The following ZNF704 variants were observed in gnomAD, a reference collection of about 807,000 sequenced individuals.
ZNF704 encodes zinc finger protein 704, also known as glucocorticoid induced gene 1.
Under a neutral mutation model 44.7 loss-of-function variants are expected in ZNF704, and 10 were observed. That is an observed-to-expected ratio of 0.22 (90% confidence interval 0.14 to 0.38). The LOEUF (loss-of-function observed/expected upper bound fraction) is 0.38, where lower values mean the gene tolerates loss of function less well. Ranked by LOEUF, ZNF704 falls within the 10% of genes least tolerant of loss-of-function variation. The pLI, the probability that ZNF704 is intolerant of heterozygous loss-of-function variation, is 1.00. For missense variants in ZNF704, 390 were observed against 545.5 expected (o/e 0.71, Z 2.84); for synonymous variants, 211 against 207.6 (o/e 1.02, Z -0.14).
chr8:80,846,747 T>G (rs1225552750), intron 1 of ZNF704, among the ~76,000 whole-genome samples: 1 of 152,206 alleles, frequency 6.6e-6, no homozygotes, highest in Non-Finnish European at 1.5e-5. Flanking sequence ...TCAATATTGT[T>G]GTAGAATTTC....
At chr8:80,692,580 G>T (rs576689327) in intron 3 of ZNF704, among the ~76,000 whole-genome samples, 1 of 152,268 alleles carries the variant, frequency 6.6e-6, no homozygotes, top group East Asian at 1.9e-4. Flanking sequence ...AATTCTATTT[G>T]ATTAAGGAGT....
intron 3 of ZNF704, among the ~76,000 whole-genome samples, chr8:80,690,167 G>A (rs984140229): frequency 2.6e-5 from 4 of 151,902 alleles, no homozygotes; most frequent in African/African-American, 9.7e-5. Flanking sequence ...GTTATTAGTT[G>A]AGTAGTTAGT....
At chr8:80,717,482 A>G (rs1324217583) in intron 2 of ZNF704, among the ~76,000 whole-genome samples, 7 of 152,212 alleles carry the variant, frequency 4.6e-5, no homozygotes, top group African/African-American at 1.7e-4. Flanking sequence ...TCAACTACAA[A>G]TGGAAATAGT....
At chr8:80,751,013 T>C (rs1353097724) in intron 2 of ZNF704, among the ~76,000 whole-genome samples, 3 of 152,254 alleles carry the variant, frequency 2.0e-5, no homozygotes, top group Non-Finnish European at 4.4e-5. Flanking sequence ...ATCACTCTAA[T>C]AATTCTTGTG....
intron 1 of ZNF704, 128 bp from the exon 2 acceptor site, chr8:80,821,743 A>G (rs1271805167): frequency 1.4e-6 from 1 of 690,306 alleles, no homozygotes; most frequent in Non-Finnish European, 2.4e-6. Context: ...TATAATTTTA[A>G]TAAGAAAAAT....
intron 2 of ZNF704, among the ~76,000 whole-genome samples, chr8:80,740,321 C>A (rs1806735493): frequency 6.6e-6 from 1 of 152,122 alleles, no homozygotes; most frequent in African/African-American, 2.4e-5. Flanking sequence ...TTAATCCATC[C>A]TGAAGTCTGG....
At chr8:80,697,340 G>C (rs868292481) in intron 2 of ZNF704, among the ~76,000 whole-genome samples, 18 of 152,188 alleles carry the variant, frequency 1.2e-4, no homozygotes, top group African/African-American at 4.8e-5. Context: ...GAAAATTTAA[G>C]GAAAGGGAGG....
At chr8:80,662,124 G>T (rs1279494630) in intron 6 of ZNF704, among the ~76,000 whole-genome samples, 1 of 152,086 alleles carries the variant, frequency 6.6e-6, no homozygotes. Flanking sequence ...CATTGGCATG[G>T]GAAAATGTTC....
chr8:80,882,858 C>T, the ZNF704 span, among the ~76,000 whole-genome samples: 3 of 151,974 alleles, frequency 2.0e-5, no homozygotes, highest in Admixed American at 2.0e-4. Context: ...ATTTGATTCT[C>T]ATTTACTTAG....
At chr8:80,846,161 C>G (rs1808764252) in intron 1 of ZNF704, among the ~76,000 whole-genome samples, 2 of 152,052 alleles carry the variant, frequency 1.3e-5, no homozygotes, top group South Asian at 4.2e-4. Context: ...GCCTCTCCAC[C>G]TAAGTAATGC....
At chr8:80,764,956 A>G (rs1807203825) in intron 2 of ZNF704, among the ~76,000 whole-genome samples, 1 of 152,158 alleles carries the variant, frequency 6.6e-6, no homozygotes, top group South Asian at 2.1e-4. Context: ...ATATGAGAAG[A>G]TATTTATTAG....
Position 80,633,077 on chromosome 8 carries a change from T to C in ZNF704, c.*8289A>G, listed in dbSNP as rs1371395165. 2 of 152,214 alleles carry C rather than the reference T, an allele frequency of 1.3e-5. No individual in the cohort carries two copies. The highest frequency in any genetic ancestry group is 2.9e-5 in the Non-Finnish European group (2 of 68,048). The allele number at this position is 152,214 out of a possible 1,614,324, so 9.4% of individuals were successfully genotyped here. On this transcript the variant is annotated 3_prime_UTR_variant, in exon 9 of 9. Transcript: ENST00000327835. ...ATTCATATATTGGACTGCCTTTTAATCATTCACAATGAAAGAAATCTCAGG... is the reference window on the plus strand; with the variant it reads ...ATTCATATATTGGACTGCCTTTTAACCATTCACAATGAAAGAAATCTCAGG...
chr8:80,789,371 A>G (rs1807665380), intron 2 of ZNF704, among the ~76,000 whole-genome samples: 1 of 152,190 alleles, frequency 6.6e-6, no homozygotes, highest in African/African-American at 2.4e-5. Context: ...CAAAGATGAA[A>G]CATAACTTAT....
rs528834101 is a variant in ZNF704 at position 80,687,498 on chromosome 8, G to A, written c.326-40C>T. On this transcript the variant is annotated intron_variant, in intron 3 of 8. Coordinates refer to ENST00000327835, the MANE Select transcript of ZNF704 (RefSeq NM_001033723.3). ...ACACAGTCAGTGCCAGGACCCCTGC[G>A]TGCCCGGGCATGGTTCAGTGGGGAA... The A allele has an allele frequency of 2.0e-5, 28 of 1,433,070 alleles. No homozygotes were observed. The African/African-American group carries it at 2.1e-4, about 11-fold the overall frequency. 88.8% of individuals were successfully genotyped at this position (1,433,070 alleles called of 1,614,324 possible).
chr8:80,830,553 C>G (rs1421347071), intron 1 of ZNF704, among the ~76,000 whole-genome samples: 1 of 151,884 alleles, frequency 6.6e-6, no homozygotes, highest in Admixed American at 6.6e-5. Flanking sequence ...GTAGTGATAT[C>G]TGTATGAGTA....
At chr8:80,777,974 T>C (rs963128412) in intron 2 of ZNF704, among the ~76,000 whole-genome samples, 6 of 152,082 alleles carry the variant, frequency 3.9e-5, no homozygotes, top group Admixed American at 3.9e-4. Flanking sequence ...CAAGGGCGTT[T>C]TTTGTAACCA....
intron 2 of ZNF704, among the ~76,000 whole-genome samples, chr8:80,762,353 C>T (rs1159722457): frequency 6.6e-6 from 1 of 152,192 alleles, no homozygotes; most frequent in African/African-American, 2.4e-5. Context: ...CACAGTTCCA[C>T]ATGACTGGGG....
chr8:80,736,833 A>C (rs1806675343), intron 2 of ZNF704, among the ~76,000 whole-genome samples: 2 of 152,258 alleles, frequency 1.3e-5, no homozygotes, highest in South Asian at 4.1e-4. Context: ...CTGTTCCCCC[A>C]AAACCTACTG....
chr8:80,727,572 T>C (rs1445558100), intron 2 of ZNF704, among the ~76,000 whole-genome samples: 3 of 152,068 alleles, frequency 2.0e-5, no homozygotes, highest in East Asian at 1.9e-4. Context: ...GTGGCTCTTG[T>C]TTGGCGCAGG....
Sources: gnomAD v4.1 joint callset for allele counts (sites outside exome capture counted in the v4.1 genomes callset) on GRCh38, gnomAD v4.1.1 for gene constraint, MANE v1.5 for transcripts, NCBI Gene and HGNC (gene_info 2026-07-23, HGNC 2026-07-21) for gene names.